Variants in RADX observed in about 807,000 individuals in gnomAD.
RADX encodes RPA-related protein RADX.
In RADX, 36 loss-of-function variants were observed where a neutral mutation model predicts 61.6. The observed-to-expected ratio is 0.58, with a 90% CI of 0.45 to 0.77. The LOEUF is 0.77. Ranked by LOEUF, RADX falls within the 30% of genes least tolerant of loss-of-function variation. The pLI, the probability that RADX is intolerant of heterozygous loss-of-function variation, is 0.00. For missense variants in RADX, 497 were observed against 651.1 expected (o/e 0.76, Z 2.58); for synonymous variants, 272 against 237.9 (o/e 1.14, Z -1.32).
intron 13 of RADX, among the ~76,000 whole-genome samples, chrX:106,673,685 C>CG (rs1420647594): frequency 1.9e-5 from 2 of 106,331 alleles, no homozygotes; most frequent in African/African-American, 7.0e-5. Flanking sequence ...CCCATCCCCC[C>CG]CCACACACAC....
At position 106,640,741 on chromosome X, in the gene RADX, T is replaced by A; in HGVS notation, c.1904+20T>A. ...TAATCCGTAAGTCATTTGTATTAAG[T>A]ATATGTAAAGTATATTTTTTCTTTT... On this transcript the variant is annotated intron_variant, in intron 10 of 13. Transcript: ENST00000372548. The A allele has an allele frequency of 9.3e-7, 1 of 1,072,564 alleles. No individual in the cohort carries two copies. Among genetic ancestry groups the A allele is most frequent in the South Asian group, 2.4e-5 (1 of 41,008 alleles). The allele number at this position is 1,072,564 out of a possible 1,213,427, so 88.4% of individuals were successfully genotyped here. A position where few individuals can be genotyped will look rare whatever the true frequency, so the allele number is the denominator to read the frequency against.
intron 13 of RADX, among the ~76,000 whole-genome samples, 190 bp from the exon 14 acceptor site, chrX:106,677,938 A>G (rs1928549035): frequency 9.0e-6 from 1 of 110,938 alleles, no homozygotes; most frequent in Admixed American, 9.6e-5. Flanking sequence ...TATCTGTTTG[A>G]TATGTTCACC....
At chrX:106,669,421 C>T (rs997280183) in intron 13 of RADX, 91 bp downstream of exon 13, 2 of 585,441 alleles carry the variant, frequency 3.4e-6, no homozygotes, top group African/African-American at 4.7e-5. Flanking sequence ...ACAGTTTTAG[C>T]CTTAAAATTT....
chrX:106,661,348 G>GT (rs1928087097), intron 11 of RADX, among the ~76,000 whole-genome samples: 1 of 96,808 alleles, frequency 1.0e-5, no homozygotes, highest in African/African-American at 4.1e-5. Context: ...TTTGTTTTTC[G>GT]TTTTTGTTTT....
intron 11 of RADX, among the ~76,000 whole-genome samples, chrX:106,661,283 C>T (rs1345496741): frequency 9.1e-6 from 1 of 110,320 alleles, no homozygotes; most frequent in African/African-American, 3.3e-5. Flanking sequence ...ATCTCAATTT[C>T]GTTCCCTTTT....
intron 13 of RADX, among the ~76,000 whole-genome samples, chrX:106,677,635 C>T (rs1167638895): frequency 9.0e-6 from 1 of 110,500 alleles, no homozygotes; most frequent in African/African-American, 3.3e-5. Flanking sequence ...TTAAAAGATG[C>T]ATCAGTTACA....
intron 11 of RADX, among the ~76,000 whole-genome samples, chrX:106,650,718 A>G (rs1927772151): frequency 9.0e-6 from 1 of 111,714 alleles, no homozygotes; most frequent in Non-Finnish European, 1.9e-5. Context: ...GCTCTAAAAT[A>G]AACACGTTTA....
chrX:106,666,693 G>A (rs758339646), intron 12 of RADX, among the ~76,000 whole-genome samples: 15 of 111,899 alleles, frequency 1.3e-4, no homozygotes, highest in African/African-American at 4.9e-4. Context: ...ATTAAAATTT[G>A]AAATTATCTT....
Position 106,612,626 on chromosome X carries a change from A to G in RADX, c.546A>G (p.Arg182=). ...AGGAGAAACCAGAGAGGCCTTTAAG[A>G]GGCGGGAAGAGTCATTACCTGGCGC... ...AHQEKPERPL[R]GGKSHYLALW... is the part of the protein sequence containing the mutation. The change falls in exon 1 of 14, where the codon AGA becomes AGG. Residue 182 remains arginine, a synonymous_variant. Coordinates refer to ENST00000372548, the MANE Select transcript of RADX (RefSeq NM_018015.6). The G allele has an allele frequency of 8.3e-7, 1 of 1,210,996 alleles. No individual in the cohort carries two copies. Among genetic ancestry groups the G allele is most frequent in the Non-Finnish European group, 1.1e-6 (1 of 895,080 alleles).
intron 3 of RADX, among the ~76,000 whole-genome samples, chrX:106,627,842 T>C (rs184071923): frequency 3.6e-5 from 4 of 111,598 alleles, no homozygotes; most frequent in Non-Finnish European, 7.5e-5. Context: ...TTTATTTATT[T>C]ATTTATTTTT....
chrX:106,657,540 A>G (rs984720648), intron 11 of RADX, among the ~76,000 whole-genome samples: 5 of 112,070 alleles, frequency 4.5e-5, no homozygotes, highest in African/African-American at 1.6e-4. Flanking sequence ...TGCCTTCCTC[A>G]CTAAACTAAA....
At position 106,612,682 on chromosome X, in the gene RADX, T is replaced by C; in HGVS notation, c.602T>C (p.Ile201Thr). Residue 201 changes from isoleucine to threonine, a missense_variant, in exon 1 of 14, where the codon ATC becomes ACC. This residue lies in a region of RADX where 196 missense variants were observed against 315.0 expected (regional missense o/e 0.62). Coordinates refer to ENST00000372548, the MANE Select transcript of RADX (RefSeq NM_018015.6). ...LWNNEDPYGD[I>T]WLTDKQPEEH... ...AATAACGAAGATCCCTATGGAGATA[T>C]CTGGTTAACAGACAAGCAACCTGAG... 1 of 1,205,794 alleles carries C rather than the reference T, an allele frequency of 8.3e-7. No individual in the cohort carries two copies.
At chrX:106,639,966 T>C (rs143903922) in intron 9 of RADX, 2,175 of 150,549 alleles carry the variant, frequency 0.014, 19 homozygotes, top group Middle Eastern at 0.031. Flanking sequence ...ATAATGATTA[T>C]AGCCTCTTGA....
chrX:106,634,970 T>A (rs1927327128), intron 6 of RADX, among the ~76,000 whole-genome samples: 3 of 112,161 alleles, frequency 2.7e-5, no homozygotes, highest in African/African-American at 9.7e-5. Context: ...TTGGTGAGAT[T>A]TATTCTAGTA....
chrX:106,670,162 A>G (rs925832288), intron 13 of RADX, among the ~76,000 whole-genome samples: 1 of 107,919 alleles, frequency 9.3e-6, no homozygotes, highest in East Asian at 2.8e-4. Context: ...GAACTTGGGT[A>G]CCTAATTTTA....
At chrX:106,670,510 G>A (rs1242434344) in intron 13 of RADX, among the ~76,000 whole-genome samples, 2 of 110,338 alleles carry the variant, frequency 1.8e-5, no homozygotes, top group East Asian at 2.8e-4. Context: ...TTCTGACAAC[G>A]CAGGTAATAT....
chrX:106,649,407 G>T (rs1408639940), intron 11 of RADX, among the ~76,000 whole-genome samples: 1 of 111,729 alleles, frequency 9.0e-6, no homozygotes, highest in East Asian at 2.8e-4. Context: ...TAATATCCAA[G>T]AAAGCAATTA....
At chrX:106,623,620 A>T (rs964655779) in intron 2 of RADX, among the ~76,000 whole-genome samples, 1 of 110,776 alleles carries the variant, frequency 9.0e-6, no homozygotes, top group Non-Finnish European at 1.9e-5. Context: ...TATCATATAT[A>T]TATATACATA....
rs757007958 is a variant in RADX, at chrX:106,625,249, G to A, written c.946G>A (p.Val316Met). The change falls in exon 3 of 14, where the codon GTG becomes ATG. Residue 316 changes from valine (V) to methionine (M), a missense_variant. Physicochemically the swap from Val to Met is conservative, Grantham distance 21. Around this residue, in one of 3 missense-constraint regions of RADX, gnomAD observed 196 missense variants for 315.0 expected, o/e 0.62. Transcript: ENST00000372548. ...TCCATTCAGAATACAGCCTGTCCCC[G>A]TGGATCCACAGATCAAACTAATTTC... ...SYPFRIQPVP[V>M]DPQIKLISTM... 2.4e-5 allele frequency: 28 copies of A among 1,184,828 alleles called. No homozygotes were observed. The Admixed American group carries it at 5.9e-4, about 25-fold the overall frequency.
Sources: gnomAD v4.1 joint callset for allele counts (sites outside exome capture counted in the v4.1 genomes callset) on GRCh38, gnomAD v4.1.1 for gene constraint, gnomAD v4.1.1 regional missense constraint, MANE v1.5 for transcripts, NCBI Gene and HGNC (gene_info 2026-07-23, HGNC 2026-07-21) for gene names.